JAK1: variants seen among roughly 807,000 people sequenced by gnomAD.
The protein encoded by JAK1 is tyrosine-protein kinase JAK1.
JAK1 carries 16 observed loss-of-function variants against 136.6 expected under a neutral mutation model. That is an observed-to-expected ratio of 0.12 (90% CI 0.08 to 0.18). The LOEUF (loss-of-function observed/expected upper bound fraction) is 0.18, where lower values mean the gene tolerates loss of function less well. Ranked by LOEUF, JAK1 falls within the 10% of genes least tolerant of loss-of-function variation. JAK1 has a pLI of 1.00. For synonymous variants in JAK1, 492 were observed against 519.5 expected (o/e 0.95, Z 0.72); for missense variants, 859 against 1,450.1 (o/e 0.59, Z 6.62).
At chr1:64,907,833 C>G (rs985841921) in intron 1 of JAK1, among the ~76,000 whole-genome samples, 5 of 152,312 alleles carry the variant, frequency 3.3e-5, no homozygotes, top group African/African-American at 9.6e-5. Flanking sequence ...GCACATGTCT[C>G]TTTACTATCA....
At position 65,024,902 on chromosome 1, in the gene JAK1, G is replaced by C. The variant is rs537037139; in HGVS notation, c.-78+19578C>G. 1.2e-4 allele frequency among the ~76,000 whole-genome samples: 18 copies of C among 152,176 alleles called. 1 individual carries two copies. Among genetic ancestry groups the C allele is most frequent in the Admixed American group, 3.3e-4 (5 of 15,270 alleles). ...TGAGGCACGAGAATCATTTGAACCC[G>C]GGAGGTAGAGGATGCAGTGAGCCGA... On this transcript the variant is annotated intron_variant, in intron 2 of 25. Coordinates refer to the JAK1 transcript ENST00000671954.
chr1:64,933,148 G>A (rs949924244), intron 1 of JAK1, among the ~76,000 whole-genome samples: 2 of 152,122 alleles, frequency 1.3e-5, no homozygotes, highest in African/African-American at 4.8e-5. Flanking sequence ...ATCCCATAAG[G>A]TGGGTACCAC....
intron 1 of JAK1, chr1:64,942,387 T>C (rs1401989446): frequency 6.6e-6 from 1 of 152,218 alleles, no homozygotes; most frequent in Non-Finnish European, 1.5e-5. Context: ...AAAGGACTAA[T>C]ACACTATTTG....
chr1:65,044,691 A>C (rs1169790170), intron 1 of JAK1, among the ~76,000 whole-genome samples: 1 of 152,196 alleles, frequency 6.6e-6, no homozygotes, highest in Non-Finnish European at 1.5e-5. Flanking sequence ...GTTTGTAGCC[A>C]ACAGGCCAAC....
At chr1:64,837,448 G>T (rs17127024) in intron 22 of JAK1, among the ~76,000 whole-genome samples, 8,125 of 152,190 alleles carry the variant, frequency 0.053, 438 homozygotes, top group East Asian at 0.23. Context: ...CCAGTGTGTG[G>T]CCTTCTAACC....
At position 64,999,040 on chromosome 1, in the gene JAK1, G is replaced by A. The variant is rs374779616; in HGVS notation, c.-78+45440C>T. On this transcript the variant is annotated intron_variant, in intron 2 of 25. Coordinates refer to the JAK1 transcript ENST00000671954. ...GCAGTTTTCATTTCAATACTCATTT[G>A]GGATATTTCCCTTGTAAATCTTCCT... Among the ~76,000 whole-genome samples, 399 of 152,228 alleles carry A rather than the reference G, an allele frequency of 2.6e-3. 2 individuals carry two copies. Among genetic ancestry groups the A allele is most frequent in the African/African-American group, 8.6e-3 (358 of 41,530 alleles).
At chr1:64,932,174 G>C (rs1267734777) in intron 1 of JAK1, among the ~76,000 whole-genome samples, 1 of 149,776 alleles carries the variant, frequency 6.7e-6, no homozygotes, top group South Asian at 2.2e-4. Flanking sequence ...CAGAACGTTG[G>C]GGGGCCGAGG....
In JAK1 at chr1:64,949,508, A is replaced by G. The variant is rs149733069; in HGVS notation, c.-78+16825T>C. Among the ~76,000 whole-genome samples the G allele has an allele frequency of 2.4e-3, 367 of 152,346 alleles. 2 individuals carry two copies. Among genetic ancestry groups the G allele is most frequent in the African/African-American group, 8.5e-3 (352 of 41,592 alleles). On this transcript the variant is annotated intron_variant, in intron 1 of 24. Coordinates refer to ENST00000342505, the MANE Select transcript of JAK1 (RefSeq NM_002227.4). ...ACTACAACTTCACATTCAAGTGCAC[A>G]TTGTGCACTTACAGAATATCATTTC...
At chr1:64,962,327 C>T (rs750076597) in intron 1 of JAK1, among the ~76,000 whole-genome samples, 2 of 152,174 alleles carry the variant, frequency 1.3e-5, no homozygotes, top group East Asian at 1.9e-4. Flanking sequence ...TCCCAACAAA[C>T]GCCAGCTCTA....
intron 2 of JAK1, among the ~76,000 whole-genome samples, chr1:64,995,653 A>G (rs749663827): frequency 6.6e-6 from 1 of 152,222 alleles, no homozygotes; most frequent in Non-Finnish European, 1.5e-5. Context: ...TGATCAGTTG[A>G]GCCTTATACA....
At chr1:65,063,243 T>C (rs895201179) in intron 1 of JAK1, among the ~76,000 whole-genome samples, 5 of 152,220 alleles carry the variant, frequency 3.3e-5, no homozygotes, top group South Asian at 2.1e-4. Context: ...GTCACAATTG[T>C]TACTTTGCCA....
At chr1:65,044,524 G>A (rs1343321074) in exon 2 of JAK1, among the ~76,000 whole-genome samples, 1 of 152,236 alleles carries the variant, frequency 6.6e-6, no homozygotes, top group Non-Finnish European at 1.5e-5. Context: ...GTGCTGTAGA[G>A]AGTCAACGTG....
At chr1:64,887,749 T>G (rs886171112) in intron 1 of JAK1, among the ~76,000 whole-genome samples, 3 of 152,142 alleles carry the variant, frequency 2.0e-5, no homozygotes, top group Non-Finnish European at 4.4e-5. Flanking sequence ...TGGATGTCCA[T>G]GGAGGTGGGG....
intron 2 of JAK1, among the ~76,000 whole-genome samples, chr1:65,014,098 A>C (rs1001360452): frequency 2.6e-5 from 4 of 152,186 alleles, no homozygotes; most frequent in Admixed American, 2.6e-4. Context: ...GTTGGGTCAC[A>C]AGATTTTACA....
chr1:65,029,596 A>G (rs999149085), intron 2 of JAK1, among the ~76,000 whole-genome samples: 4 of 152,364 alleles, frequency 2.6e-5, no homozygotes, highest in East Asian at 1.9e-4. Flanking sequence ...AAAATAAAAT[A>G]TGGTACATAC....
At chr1:64,888,549 T>A (rs568246177) in intron 1 of JAK1, among the ~76,000 whole-genome samples, 3 of 152,344 alleles carry the variant, frequency 2.0e-5, no homozygotes, top group Admixed American at 1.3e-4. Flanking sequence ...TCATGGAACT[T>A]CTCTTAGCCT....
chr1:65,027,813 C>A (rs1646990776), intron 2 of JAK1, among the ~76,000 whole-genome samples: 1 of 152,158 alleles, frequency 6.6e-6, no homozygotes, highest in Admixed American at 6.5e-5. Context: ...CATGCTCAGT[C>A]ATTGGTAGAG....
At chr1:64,876,306 C>A (rs1429417813) in intron 4 of JAK1, 1 of 152,230 alleles carries the variant, frequency 6.6e-6, no homozygotes, top group East Asian at 1.9e-4. Context: ...AACAAACTCC[C>A]TCTGGGCAGA....
intron 1 of JAK1, among the ~76,000 whole-genome samples, chr1:64,954,407 G>C (rs1410122627): frequency 6.6e-6 from 1 of 152,150 alleles, no homozygotes; most frequent in African/African-American, 2.4e-5. Flanking sequence ...TCCCCACGTG[G>C]GATGATGTGC....
Sources: gnomAD v4.1 joint callset for allele counts (sites outside exome capture counted in the v4.1 genomes callset) on GRCh38, gnomAD v4.1.1 for gene constraint, MANE v1.5 for transcripts, NCBI Gene and HGNC (gene_info 2026-07-23, HGNC 2026-07-21) for gene names.